SPIRE2: variants seen among roughly 807,000 people sequenced by gnomAD.
The protein encoded by SPIRE2 is protein spire homolog 2.
A neutral mutation model predicts 80.7 loss-of-function variants in SPIRE2; 76 were observed. The ratio of observed to expected loss-of-function variants is 0.94; its 90% CI spans 0.78 to 1.14. The LOEUF (loss-of-function observed/expected upper bound fraction) is 1.14. SPIRE2 is among the 50% of genes most tolerant of loss of function. SPIRE2 has a pLI of 0.00. For synonymous variants in SPIRE2, 535 were observed against 432.6 expected (o/e 1.24, Z -2.94); for missense variants, 1,196 against 1,015.3 (o/e 1.18, Z -2.42).
At chr16:89,847,456 C>T (rs1282190228) in intron 2 of SPIRE2, among the ~76,000 whole-genome samples, 1 of 152,204 alleles carries the variant, frequency 6.6e-6, no homozygotes, top group South Asian at 2.1e-4. Flanking sequence ...TGCTGCCTAC[C>T]GCCTGGAAGA....
At chr16:89,869,053 A>AAAAACATATATATATATAT in intron 13 of SPIRE2, among the ~76,000 whole-genome samples, 1 of 24,036 alleles carries the variant, frequency 4.2e-5, no homozygotes, top group African/African-American at 1.6e-4. Flanking sequence ...AAAAAAAAAA[A>AAAAACATATATATATATAT]ATATATATAT....
At chr16:89,856,611 ATTTTTTTTT>A (rs34234430) in intron 7 of SPIRE2, among the ~76,000 whole-genome samples, 9 of 122,724 alleles carry the variant, frequency 7.3e-5, no homozygotes, top group African/African-American at 2.5e-4. Flanking sequence ...CGCCTGGCTA[ATTTTTTTTT>A]TTTTTTTTTT....
chr16:89,858,380 A>G lies in SPIRE2; in HGVS notation c.1145A>G (p.Asp382Gly). The G allele has an allele frequency of 6.2e-7, 1 of 1,611,502 alleles. No homozygotes were observed. The highest frequency in any genetic ancestry group is 8.5e-7 in the Non-Finnish European group (1 of 1,179,316). ...TGCATCCTCAACGCCTGCTCCGGAG[A>G]TGCCAAGTCCACCTCCTGCATCAAC... is the stretch of plus-strand genomic sequence containing the variant. ...LPCILNACSG[D>G]AKSTSCINLS... The change falls in exon 8 of 15, where the codon GAT (aspartate) becomes GGT (glycine). Residue 382 changes from aspartate to glycine, a missense_variant. Coordinates refer to ENST00000378247, the MANE Select transcript of SPIRE2 (RefSeq NM_032451.2).
intron 2 of SPIRE2, chr16:89,845,617 C>T (rs1329471430): frequency 1.4e-6 from 1 of 702,210 alleles, no homozygotes; most frequent in East Asian, 2.7e-5. Flanking sequence ...GTGTTACTTC[C>T]TTCCACAGCT....
At chr16:89,832,871 G>A (rs906213076) in intron 1 of SPIRE2, among the ~76,000 whole-genome samples, 3 of 152,072 alleles carry the variant, frequency 2.0e-5, no homozygotes, top group African/African-American at 7.2e-5. Context: ...GCCCAGGCTG[G>A]AGTGCAATGG....
At chr16:89,868,047 A>G (rs918071143) in intron 12 of SPIRE2, 142 bp from the exon 13 acceptor site, 5 of 895,600 alleles carry the variant, frequency 5.6e-6, no homozygotes, top group Non-Finnish European at 9.2e-6. Flanking sequence ...TTGGAGTAAA[A>G]TAAAGTACTG....
At position 89,829,671 on chromosome 16, in the gene SPIRE2, C is replaced by CTG. The variant is rs2041360494; in HGVS notation, c.244+877_244+878insTG. Among the ~76,000 whole-genome samples, 9 of 151,762 alleles carry CTG rather than the reference C, an allele frequency of 5.9e-5. 1 individual carries two copies. Among genetic ancestry groups the CTG allele is most frequent in the Non-Finnish European group, 1.0e-4 (7 of 67,606 alleles). On this transcript the variant is annotated intron_variant, in intron 1 of 14. Transcript: ENST00000378247. ...AGGGGTGGGGGCCGTTGTGCCCCAC[C>CTG]CAAGGGCCCTTGTTCCTTCACCAGG...
chr16:89,861,760 C>T (rs1323419345), intron 10 of SPIRE2, among the ~76,000 whole-genome samples: 1 of 152,144 alleles, frequency 6.6e-6, no homozygotes, highest in Non-Finnish European at 1.5e-5. Context: ...GAAGTGGCGT[C>T]TTCACCCAGC....
At chr16:89,849,175 G>T (rs1400012063) in intron 2 of SPIRE2, among the ~76,000 whole-genome samples, 1 of 152,246 alleles carries the variant, frequency 6.6e-6, no homozygotes, top group Non-Finnish European at 1.5e-5. Flanking sequence ...CCCCTGCAGG[G>T]CCACTGAGGC....
At position 89,850,504 on chromosome 16, in the gene SPIRE2, C is replaced by A; in HGVS notation, c.489C>A (p.Arg163=). The A allele has an allele frequency of 6.6e-7, 1 of 1,526,482 alleles. No individual in the cohort carries two copies. The highest frequency in any genetic ancestry group is 8.8e-7 in the Non-Finnish European group (1 of 1,140,326). 94.6% of individuals were successfully genotyped at this position (1,526,482 alleles called of 1,614,324 possible). A position where few individuals can be genotyped will look rare whatever the true frequency, so the allele number is the denominator to read the frequency against. Residue 163 remains arginine, a synonymous_variant, in exon 3 of 15, where the codon CGC becomes CGA. Coordinates refer to ENST00000378247, the MANE Select transcript of SPIRE2 (RefSeq NM_032451.2). ...EEEEEAEGVP[R]SVRTFAQAMR... Reference sequence around the variant, plus strand: ...AGGAGGAGGCCGAGGGCGTCCCCCGCAGCGTGCGCACCTTTGCCCAGGCCA... The same window carrying A: ...AGGAGGAGGCCGAGGGCGTCCCCCGAAGCGTGCGCACCTTTGCCCAGGCCA...
In SPIRE2 at chr16:89,855,655, A is replaced by T; in HGVS notation, c.947A>T (p.Asp316Val). The T allele has an allele frequency of 6.2e-7, 1 of 1,612,668 alleles. No individual in the cohort carries two copies. Reference sequence around the variant, plus strand: ...AAGGACGCTCACGAGCTCATCCTGGACTTTATCCGCTCACGGCCTCCACTG... The same window carrying T: ...AAGGACGCTCACGAGCTCATCCTGGTCTTTATCCGCTCACGGCCTCCACTG... ...VKKDAHELILDFIRSRPPLKQ... is the reference protein window; with the variant it reads ...VKKDAHELILVFIRSRPPLKQ... The change falls in exon 6 of 15, where the codon GAC becomes GTC. Residue 316 changes from aspartate to valine, a missense_variant. Coordinates refer to ENST00000378247, the MANE Select transcript of SPIRE2 (RefSeq NM_032451.2).
intron 1 of SPIRE2, among the ~76,000 whole-genome samples, chr16:89,832,103 G>A (rs2041390555): frequency 6.6e-6 from 1 of 152,252 alleles, no homozygotes. Context: ...AGTGATGGCA[G>A]CGCGTGCCCG....
chr16:89,870,495 T>G lies in SPIRE2; in HGVS notation c.*223T>G. On this transcript the variant is annotated 3_prime_UTR_variant, in exon 15 of 15. Coordinates refer to ENST00000378247, the MANE Select transcript of SPIRE2 (RefSeq NM_032451.2). ...GAGGCTGTTTCTTCTCAGGATTCCT[T>G]GCCAGGGAGGAAGGGGAGGGAACAG... The G allele has an allele frequency of 2.0e-6, 1 of 488,206 alleles. No homozygotes were observed. Among genetic ancestry groups the G allele is most frequent in the Non-Finnish European group, 3.7e-6 (1 of 272,218 alleles). The allele number at this position is 488,206 out of a possible 1,614,324, so 30.2% of individuals were successfully genotyped here.
Position 89,856,235 on chromosome 16 carries a change from C to T in SPIRE2, c.1101C>T (p.Arg367=), listed in dbSNP as rs753887387. The T allele has an allele frequency of 1.1e-5, 17 of 1,568,970 alleles. No individual in the cohort carries two copies. The Admixed American group carries it at 1.1e-4, about 11-fold the overall frequency. ...TGCGGGGCGAGGGCTGGGCTGCCCGCGGTGAGTGAGGGGATGGCAGGAGAA... is the reference window on the plus strand; with the variant it reads ...TGCGGGGCGAGGGCTGGGCTGCCCGTGGTGAGTGAGGGGATGGCAGGAGAA... ...RPVRGEGWAA[R]GFGSLPCILN... Residue 367 remains arginine (R), a splice_region_variant and synonymous_variant, in exon 7 of 15, where the codon CGC becomes CGT. Transcript: ENST00000378247.
At chr16:89,847,852 G>C (rs952027951) in intron 2 of SPIRE2, among the ~76,000 whole-genome samples, 2 of 152,234 alleles carry the variant, frequency 1.3e-5, no homozygotes, top group African/African-American at 2.4e-5. Context: ...TATGGACGCA[G>C]CCTTCAGATA....
intron 8 of SPIRE2, 114 bp from the exon 9 acceptor site, chr16:89,859,051 C>T (rs1423236823): frequency 6.2e-6 from 6 of 966,278 alleles, no homozygotes; most frequent in African/African-American, 1.7e-5. Flanking sequence ...GTGGAGGCTG[C>T]CCCACATCGC....
chr16:89,845,485 G>C (rs2041549976), intron 2 of SPIRE2, 120 bp downstream of exon 2: 2 of 922,822 alleles, frequency 2.2e-6, no homozygotes, highest in Non-Finnish European at 3.5e-6. Context: ...GGGTGCAGAT[G>C]AAGTACCCAA....
intron 1 of SPIRE2, among the ~76,000 whole-genome samples, chr16:89,832,281 C>T (rs767524237): frequency 3.3e-5 from 5 of 152,200 alleles, no homozygotes; most frequent in Non-Finnish European, 7.3e-5. Context: ...CCTGTTCTGC[C>T]GCTGGATCTG....
chr16:89,858,631 C>T, intron 8 of SPIRE2, 124 bp downstream of exon 8: 1 of 920,554 alleles, frequency 1.1e-6, no homozygotes, highest in Non-Finnish European at 1.5e-6. Context: ...CAGGAGCCCT[C>T]CCTTGAAACT....
Sources: gnomAD v4.1 joint callset for allele counts (sites outside exome capture counted in the v4.1 genomes callset) on GRCh38, gnomAD v4.1.1 for gene constraint, MANE v1.5 for transcripts, NCBI Gene and HGNC (gene_info 2026-07-23, HGNC 2026-07-21) for gene names.